GALNTL6: variants seen among roughly 807,000 people sequenced by gnomAD.
GALNTL6 encodes polypeptide N-acetylgalactosaminyltransferase like 6.
A neutral mutation model predicts 73.7 loss-of-function variants in GALNTL6; 46 were observed. That is an observed-to-expected ratio of 0.62 (90% CI 0.49 to 0.80). GALNTL6 has a LOEUF of 0.80. Ranked by LOEUF, GALNTL6 falls within the 30% of genes least tolerant of loss-of-function variation. The pLI is 0.00. For synonymous variants in GALNTL6, 259 were observed against 263.7 expected (o/e 0.98, Z 0.17); for missense variants, 604 against 755.0 (o/e 0.80, Z 2.34).
chr4:172,795,989 A>T (rs1211867831), intron 5 of GALNTL6, among the ~76,000 whole-genome samples: 1 of 151,470 alleles, frequency 6.6e-6, no homozygotes, highest in Non-Finnish European at 1.5e-5. Flanking sequence ...TTTCAATGTT[A>T]GATTTAAAAG....
chr4:172,421,534 A>T (rs1469638453), intron 5 of GALNTL6, among the ~76,000 whole-genome samples: 1 of 151,916 alleles, frequency 6.6e-6, no homozygotes, highest in African/African-American at 2.4e-5. Flanking sequence ...TATATTTATA[A>T]ATTCATAATT....
At chr4:172,622,006 G>A (rs963579621) in intron 5 of GALNTL6, among the ~76,000 whole-genome samples, 3 of 152,062 alleles carry the variant, frequency 2.0e-5, no homozygotes, top group Admixed American at 6.6e-5. Context: ...GCTGCCCAAC[G>A]TCAAGCTCTT....
intron 5 of GALNTL6, among the ~76,000 whole-genome samples, chr4:172,593,909 A>G (rs1737751337): frequency 6.6e-6 from 1 of 152,084 alleles, no homozygotes; most frequent in East Asian, 1.9e-4. Flanking sequence ...TTGTATTTTT[A>G]GTAGAGATAG....
At chr4:171,899,248 G>C (rs1260099010) in intron 2 of GALNTL6, among the ~76,000 whole-genome samples, 3 of 151,912 alleles carry the variant, frequency 2.0e-5, no homozygotes, top group Admixed American at 6.5e-5. Context: ...TATGGCAAAG[G>C]CTCCCAAGGT....
At chr4:172,824,017 C>T (rs369628652) in intron 7 of GALNTL6, among the ~76,000 whole-genome samples, 4 of 151,990 alleles carry the variant, frequency 2.6e-5, no homozygotes, top group East Asian at 1.9e-4. Context: ...AATCCATGCT[C>T]GAGAGCAGGG....
intron 7 of GALNTL6, among the ~76,000 whole-genome samples, chr4:172,835,910 A>G (rs1416972875): frequency 6.6e-6 from 1 of 152,178 alleles, no homozygotes; most frequent in Non-Finnish European, 1.5e-5. Flanking sequence ...TCCTAGGGAA[A>G]CCTAGAGACC....
chr4:172,398,531 G>T (rs755240937), intron 5 of GALNTL6, among the ~76,000 whole-genome samples: 23 of 152,102 alleles, frequency 1.5e-4, no homozygotes, highest in Non-Finnish European at 3.2e-4. Flanking sequence ...GACTAGCTTT[G>T]CAATCGTTTA....
chr4:171,996,020 C>T (rs549661850), intron 2 of GALNTL6, among the ~76,000 whole-genome samples: 3 of 152,072 alleles, frequency 2.0e-5, no homozygotes, highest in Non-Finnish European at 4.4e-5. Flanking sequence ...TCATTTTATA[C>T]AGCTCCTCTA....
Position 172,701,797 on chromosome 4 carries a change from T to A in GALNTL6, c.554-107564T>A, listed in dbSNP as rs1734045248. On this transcript the variant is annotated intron_variant, in intron 5 of 12. Coordinates refer to ENST00000506823, the MANE Select transcript of GALNTL6 (RefSeq NM_001034845.3). ...AATGGTAAGGCTCTAATTATCTAAT[T>A]GGGTAATGGATTCATAAGTGTTCAT... is the stretch of plus-strand genomic sequence containing the variant. Among the ~76,000 whole-genome samples, 6 of 152,168 alleles carry A rather than the reference T, an allele frequency of 3.9e-5. No individual in the cohort carries two copies. The South Asian group carries it at 1.2e-3, about 32-fold the overall frequency.
At chr4:172,739,743 A>G (rs968948357) in intron 5 of GALNTL6, among the ~76,000 whole-genome samples, 1 of 152,162 alleles carries the variant, frequency 6.6e-6, no homozygotes, top group African/African-American at 2.4e-5. Flanking sequence ...TCAGCATTTT[A>G]TTACATACTA....
At chr4:172,596,170 G>A (rs1461128442) in intron 5 of GALNTL6, among the ~76,000 whole-genome samples, 1 of 151,968 alleles carries the variant, frequency 6.6e-6, no homozygotes, top group East Asian at 1.9e-4. Context: ...TAAAGAGTGT[G>A]ACTGGCCAGG....
chr4:172,881,966 G>A (rs377548080), intron 7 of GALNTL6, among the ~76,000 whole-genome samples: 108 of 151,232 alleles, frequency 7.1e-4, no homozygotes, highest in Non-Finnish European at 1.4e-3. Context: ...TGTGAGGATC[G>A]ATCAAGGTAA....
At chr4:172,715,661 A>G (rs1268097448) in intron 5 of GALNTL6, among the ~76,000 whole-genome samples, 3 of 152,236 alleles carry the variant, frequency 2.0e-5, no homozygotes, top group Admixed American at 6.5e-5. Flanking sequence ...GACATTATAA[A>G]AAGTCATTCT....
intron 5 of GALNTL6, among the ~76,000 whole-genome samples, chr4:172,440,189 CTGTGA>C (rs1176151420): frequency 6.6e-6 from 1 of 152,042 alleles, no homozygotes; most frequent in Non-Finnish European, 1.5e-5. Context: ...GAATTTGCAG[CTGTGA>C]TAGCAGCTTT....
At chr4:172,723,863 A>G (rs936913440) in intron 5 of GALNTL6, among the ~76,000 whole-genome samples, 4 of 152,172 alleles carry the variant, frequency 2.6e-5, no homozygotes, top group African/African-American at 9.7e-5. Context: ...TTCTTCCAGA[A>G]AAAGAAATAT....
At chr4:172,211,836 A>G (rs938306038) in intron 2 of GALNTL6, among the ~76,000 whole-genome samples, 1 of 152,188 alleles carries the variant, frequency 6.6e-6, no homozygotes, top group African/African-American at 2.4e-5. Context: ...AGCTTGCTTA[A>G]GCCTCTTTCA....
chr4:171,835,712 G>T (rs2110833077), intron 2 of GALNTL6, among the ~76,000 whole-genome samples: 1 of 151,836 alleles, frequency 6.6e-6, no homozygotes, highest in African/African-American at 2.4e-5. Flanking sequence ...GCTTAAATTA[G>T]CTTTCTATAT....
At chr4:172,118,486 G>A (rs1437277524) in intron 2 of GALNTL6, among the ~76,000 whole-genome samples, 7 of 152,102 alleles carry the variant, frequency 4.6e-5, no homozygotes, top group Admixed American at 4.6e-4. Flanking sequence ...GATTACTTGA[G>A]GTCAGGAGTT....
intron 5 of GALNTL6, among the ~76,000 whole-genome samples, chr4:172,563,417 G>A (rs337979): frequency 0.037 from 5,656 of 152,264 alleles, 287 homozygotes; most frequent in African/African-American, 0.11. Flanking sequence ...CAAGCATTAA[G>A]AGACTTGAAT....
Sources: allele counts gnomAD v4.1 joint callset (sites outside exome capture counted in the v4.1 genomes callset), GRCh38; gene constraint gnomAD v4.1.1; transcripts MANE v1.5; gene names NCBI Gene and HGNC (gene_info 2026-07-23, HGNC 2026-07-21).